Variants in CNKSR2 observed in about 807,000 individuals in gnomAD.
The protein encoded by CNKSR2 is connector enhancer of kinase suppressor of Ras 2.
CNKSR2 carries 14 observed loss-of-function variants against 84.4 expected under a neutral mutation model. The ratio of observed to expected loss-of-function variants is 0.17; its 90% CI spans 0.11 to 0.26. The LOEUF (loss-of-function observed/expected upper bound fraction) is 0.26. Ranked by LOEUF, CNKSR2 falls within the 10% of genes least tolerant of loss-of-function variation. The probability of loss-of-function intolerance (pLI) is 1.00; values close to 1 mark genes in which losing one functional copy is unlikely to be tolerated. For synonymous variants in CNKSR2, 275 were observed against 277.9 expected, an observed-to-expected ratio of 0.99 and a Z score of 0.10; for missense variants, 485 against 771.2, an observed-to-expected ratio of 0.63 and a Z score of 4.40.
chrX:21,374,594 GGCAGCAGCA>G lies in CNKSR2; in HGVS notation c.-274_-266del, dbSNP rs3217648. ...ACGGAGACCGGAGCGGAGCGGCGGA[GGCAGCAGCA>G]GCAGCAGCAGCAGCAGCAGCAGCAG... On this transcript the variant is annotated 5_prime_UTR_variant, in exon 1 of 22. Transcript: ENST00000379510. 1.4e-3 allele frequency: 634 copies of G among 456,194 alleles called. 3 individuals carry two copies. Among genetic ancestry groups the G allele is most frequent in the African/African-American group, 0.011 (407 of 38,437 alleles). 37.6% of individuals were successfully genotyped at this position (456,194 alleles called of 1,213,427 possible).
rs776244291 is a variant in CNKSR2 at position 21,469,364 on chromosome X, TAA to T, written c.520-1401_520-1400del. 3.5e-3 allele frequency among the ~76,000 whole-genome samples: 391 copies of T among 112,046 alleles called. 1 individual carries two copies. The highest frequency in any genetic ancestry group is 9.2e-3 in the Middle Eastern group (2 of 217). ...TTCTGTGAATTTTGTAAAATATACT[TAA>T]GTTTTATTTTTAAAACTTTGCCCCG... On this transcript the variant is annotated intron_variant, in intron 4 of 21. Coordinates refer to ENST00000379510, the MANE Select transcript of CNKSR2 (RefSeq NM_014927.5).
chrX:21,585,871 G>A (rs2092384208), intron 13 of CNKSR2, among the ~76,000 whole-genome samples: 1 of 111,659 alleles, frequency 9.0e-6, no homozygotes, highest in Non-Finnish European at 1.9e-5. Context: ...AAATGAAGAT[G>A]GGAATTTTTA....
intron 6 of CNKSR2, chrX:21,492,716 G>T (rs2091454468): frequency 9.0e-6 from 1 of 111,630 alleles, no homozygotes; most frequent in Non-Finnish European, 1.9e-5. Flanking sequence ...TCAAAATGTT[G>T]AATATTAATA....
intron 21 of CNKSR2, among the ~76,000 whole-genome samples, chrX:21,650,089 G>T (rs2092716976): frequency 9.0e-6 from 1 of 111,266 alleles, no homozygotes; most frequent in African/African-American, 3.3e-5. Context: ...ATACCCAAAG[G>T]ATTATAAATC....
At chrX:21,414,390 C>A (rs191671132) in intron 1 of CNKSR2, among the ~76,000 whole-genome samples, 9 of 109,740 alleles carry the variant, frequency 8.2e-5, no homozygotes, top group Non-Finnish European at 1.5e-4. Flanking sequence ...CTATTCAAAT[C>A]TTTTGCCCAT....
intron 1 of CNKSR2, among the ~76,000 whole-genome samples, chrX:21,397,777 G>A (rs976559111): frequency 9.0e-6 from 1 of 111,422 alleles, no homozygotes; most frequent in African/African-American, 3.3e-5. Flanking sequence ...AATGATAAAC[G>A]TTTAAGGTGA....
intron 20 of CNKSR2, among the ~76,000 whole-genome samples, chrX:21,610,888 T>C (rs183088646): frequency 4.5e-5 from 5 of 112,145 alleles, no homozygotes; most frequent in Admixed American, 3.8e-4. Context: ...TGGATCTTCA[T>C]TGCATTATTT....
intron 6 of CNKSR2, among the ~76,000 whole-genome samples, chrX:21,496,427 A>G (rs1297654197): frequency 5.4e-5 from 6 of 111,721 alleles, no homozygotes; most frequent in African/African-American, 2.0e-4. Flanking sequence ...CTACTGGCCA[A>G]TCCATTAATT....
intron 13 of CNKSR2, among the ~76,000 whole-genome samples, chrX:21,584,902 A>G (rs188433480): frequency 3.5e-4 from 39 of 111,056 alleles, no homozygotes; most frequent in African/African-American, 1.2e-3. Context: ...TAGGAATGGC[A>G]TGATTTAAAT....
intron 3 of CNKSR2, among the ~76,000 whole-genome samples, chrX:21,433,258 G>A (rs952189671): frequency 4.5e-5 from 5 of 111,071 alleles, no homozygotes; most frequent in African/African-American, 9.8e-5. Context: ...CCTTGGCCTC[G>A]CTTCATTCAT....
At chrX:21,585,391 G>T (rs1469781881) in intron 13 of CNKSR2, among the ~76,000 whole-genome samples, 2 of 107,780 alleles carry the variant, frequency 1.9e-5, no homozygotes, top group Non-Finnish European at 3.8e-5. Flanking sequence ...AGAGATTGTG[G>T]TGGCTTAGAC....
chrX:21,461,211 G>A (rs766087750), intron 4 of CNKSR2, among the ~76,000 whole-genome samples: 1 of 111,867 alleles, frequency 8.9e-6, no homozygotes, highest in Non-Finnish European at 1.9e-5. Context: ...TCTGTCTTTT[G>A]GATATAAGCC....
chrX:21,459,003 A>G (rs1040918698), intron 4 of CNKSR2, among the ~76,000 whole-genome samples: 1 of 105,915 alleles, frequency 9.4e-6, no homozygotes, highest in Non-Finnish European at 1.9e-5. Context: ...TCTACTCCTG[A>G]CAATATTCTT....
At chrX:21,628,702 AGACT>A (rs1301397514) in intron 20 of CNKSR2, among the ~76,000 whole-genome samples, 2 of 111,196 alleles carry the variant, frequency 1.8e-5, no homozygotes, top group African/African-American at 6.6e-5. Context: ...CCACACCTGT[AGACT>A]GCACAACAGC....
At chrX:21,444,952 C>T (rs1029668334) in intron 4 of CNKSR2, among the ~76,000 whole-genome samples, 1 of 110,926 alleles carries the variant, frequency 9.0e-6, no homozygotes, top group Non-Finnish European at 1.9e-5. Flanking sequence ...AGTAAATACA[C>T]GTAAAGATGT....
At chrX:21,621,248 C>G (rs2092600260) in intron 20 of CNKSR2, among the ~76,000 whole-genome samples, 1 of 111,408 alleles carries the variant, frequency 9.0e-6, no homozygotes, top group African/African-American at 3.3e-5. Context: ...CTTTTGTTAA[C>G]ATGATTACAT....
chrX:21,472,514 T>C (rs2091210436), intron 5 of CNKSR2, among the ~76,000 whole-genome samples: 1 of 111,985 alleles, frequency 8.9e-6, no homozygotes, highest in African/African-American at 3.2e-5. Context: ...ATGGTATTTG[T>C]TTTGTATTTA....
intron 13 of CNKSR2, among the ~76,000 whole-genome samples, chrX:21,565,370 C>T (rs185893461): frequency 9.0e-6 from 1 of 111,148 alleles, no homozygotes. Context: ...AGGAATATTG[C>T]GAATATTTTT....
chrX:21,579,806 A>G (rs1214371508), intron 13 of CNKSR2, among the ~76,000 whole-genome samples: 1 of 111,882 alleles, frequency 8.9e-6, no homozygotes, highest in African/African-American at 3.2e-5. Flanking sequence ...TACTACCAAA[A>G]TGTCCTCACC....
Sources: gnomAD v4.1 joint callset for allele counts (sites outside exome capture counted in the v4.1 genomes callset) on GRCh38, gnomAD v4.1.1 for gene constraint, MANE v1.5 for transcripts, NCBI Gene and HGNC (gene_info 2026-07-23, HGNC 2026-07-21) for gene names.